The following GMDS variants were observed in gnomAD, a reference collection of about 807,000 sequenced individuals.
GMDS encodes GDP-mannose 4,6 dehydratase.
In GMDS, 20 loss-of-function variants were observed where a neutral mutation model predicts 49.9. The observed-to-expected ratio is 0.40, with a 90% confidence interval of 0.28 to 0.58. GMDS has a LOEUF of 0.58. GMDS is among the 20% of genes least tolerant of loss of function. The pLI is 0.42. For missense variants in GMDS, 362 were observed against 481.4 expected, an observed-to-expected ratio of 0.75 and a Z score of 2.32; for synonymous variants, 177 against 178.6, an observed-to-expected ratio of 0.99 and a Z score of 0.07.
intron 4 of GMDS, among the ~76,000 whole-genome samples, chr6:2,004,857 T>A (rs555596807): frequency 6.6e-6 from 1 of 152,290 alleles, no homozygotes; most frequent in East Asian, 1.9e-4. Context: ...GATTTAATAA[T>A]GCTCGTTAGA....
At chr6:1,957,313 T>G (rs184570197) in intron 6 of GMDS, among the ~76,000 whole-genome samples, 1 of 152,326 alleles carries the variant, frequency 6.6e-6, no homozygotes, top group East Asian at 1.9e-4. Context: ...AAGCTGGAGA[T>G]GTATGAATAC....
chr6:2,049,066 G>A (rs1562005446), intron 4 of GMDS, among the ~76,000 whole-genome samples: 1 of 152,204 alleles, frequency 6.6e-6, no homozygotes, highest in Non-Finnish European at 1.5e-5. Flanking sequence ...GACAAGGAAG[G>A]AAGCGAGCCC....
chr6:1,865,481 T>G (rs1014955124), intron 7 of GMDS, among the ~76,000 whole-genome samples: 1 of 152,138 alleles, frequency 6.6e-6, no homozygotes, highest in Non-Finnish European at 1.5e-5. Flanking sequence ...GCTAGAGTGA[T>G]AAAATCCATG....
chr6:1,740,897 G>A (rs376360515), intron 8 of GMDS, among the ~76,000 whole-genome samples: 2 of 152,018 alleles, frequency 1.3e-5, no homozygotes, highest in Non-Finnish European at 2.9e-5. Context: ...TTAGTTTCCT[G>A]CACAAAGTTT....
At chr6:1,893,061 C>T (rs555134326) in intron 7 of GMDS, among the ~76,000 whole-genome samples, 3 of 152,270 alleles carry the variant, frequency 2.0e-5, no homozygotes, top group Non-Finnish European at 2.9e-5. Context: ...AACTGGCTTT[C>T]GGCTGCAGCT....
In GMDS at chr6:1,682,422, A is replaced by G. The variant is rs142964924; in HGVS notation, c.987+43994T>C. The stretch of plus-strand genomic sequence containing the variant: ...CTGGCATTTCTGGTCAGCCCACATG[A>G]AAGAGATTGAGGCTTGTGCCCTCTG... On this transcript the variant is annotated intron_variant, in intron 9 of 10. Coordinates refer to ENST00000380815, the MANE Select transcript of GMDS (RefSeq NM_001500.4). Among the ~76,000 whole-genome samples, 8 of 152,264 alleles carry G rather than the reference A, an allele frequency of 5.3e-5. No individual in the cohort carries two copies. In the East Asian group the frequency reaches 1.5e-3, roughly 29 times the overall value.
chr6:2,064,831 G>C (rs144888342), intron 4 of GMDS, among the ~76,000 whole-genome samples: 1 of 152,128 alleles, frequency 6.6e-6, no homozygotes, highest in Non-Finnish European at 1.5e-5. Context: ...GAGTGCTTTT[G>C]GGGAGGGAGA....
intron 9 of GMDS, among the ~76,000 whole-genome samples, chr6:1,699,909 G>T (rs978717390): frequency 6.6e-6 from 1 of 152,236 alleles, no homozygotes; most frequent in Non-Finnish European, 1.5e-5. Flanking sequence ...GGCACACACA[G>T]CCTCCATACG....
At chr6:2,097,320 C>A (rs1452031548) in intron 4 of GMDS, among the ~76,000 whole-genome samples, 2 of 152,076 alleles carry the variant, frequency 1.3e-5, no homozygotes, top group African/African-American at 2.4e-5. Context: ...CTAGTCAAAG[C>A]CCCTCGGCGA....
At chr6:1,918,573 T>G (rs1040375608) in intron 7 of GMDS, among the ~76,000 whole-genome samples, 4 of 151,176 alleles carry the variant, frequency 2.6e-5, no homozygotes, top group African/African-American at 9.7e-5. Context: ...TAGGGAGGCC[T>G]CATCTCTACT....
intron 6 of GMDS, among the ~76,000 whole-genome samples, chr6:1,944,233 G>T (rs1050120664): frequency 4.6e-5 from 7 of 152,176 alleles, no homozygotes; most frequent in Non-Finnish European, 8.8e-5. Context: ...TCAGCTGGGC[G>T]TTGGGGCTCA....
At chr6:2,072,680 T>C (rs550132198) in intron 4 of GMDS, among the ~76,000 whole-genome samples, 30 of 152,302 alleles carry the variant, frequency 2.0e-4, no homozygotes, top group Middle Eastern at 3.4e-3. Flanking sequence ...ACAAAATCAA[T>C]AGAAGCCAAG....
intron 7 of GMDS, among the ~76,000 whole-genome samples, chr6:1,823,707 T>C (rs1256647623): frequency 6.6e-6 from 1 of 152,188 alleles, no homozygotes; most frequent in Non-Finnish European, 1.5e-5. Flanking sequence ...GCTTCAAATA[T>C]CTATGTTTTT....
At chr6:1,842,196 A>G (rs1757179461) in intron 7 of GMDS, among the ~76,000 whole-genome samples, 1 of 152,200 alleles carries the variant, frequency 6.6e-6, no homozygotes, top group Non-Finnish European at 1.5e-5. Flanking sequence ...AACCCAGCAC[A>G]AAAATCCCCT....
chr6:1,694,055 C>T (rs1355889746), intron 9 of GMDS, among the ~76,000 whole-genome samples: 1 of 152,158 alleles, frequency 6.6e-6, no homozygotes, highest in African/African-American at 2.4e-5. Context: ...GTTCTGAAGG[C>T]ACTAAAGAGA....
At chr6:1,878,910 A>G (rs1759230740) in intron 7 of GMDS, among the ~76,000 whole-genome samples, 1 of 152,166 alleles carries the variant, frequency 6.6e-6, no homozygotes, top group Non-Finnish European at 1.5e-5. Flanking sequence ...CTGGGCCCTG[A>G]GCTATCATCA....
chr6:2,225,446 C>G (rs3778568), intron 1 of GMDS, among the ~76,000 whole-genome samples: 1 of 152,124 alleles, frequency 6.6e-6, no homozygotes, highest in African/African-American at 2.4e-5. Context: ...CAAAGCTGAA[C>G]TAAAGATGAA....
chr6:1,829,076 T>C (rs1458868274), intron 7 of GMDS, among the ~76,000 whole-genome samples: 4 of 152,158 alleles, frequency 2.6e-5, no homozygotes, highest in African/African-American at 9.7e-5. Flanking sequence ...ATTAATTAAG[T>C]GGAAGTGGAT....
At chr6:2,002,586 C>T (rs562859825) in intron 4 of GMDS, among the ~76,000 whole-genome samples, 17 of 152,246 alleles carry the variant, frequency 1.1e-4, no homozygotes, top group Admixed American at 2.6e-4. Flanking sequence ...TGAAATCCTA[C>T]CCTGTGCTAA....
Sources: allele counts gnomAD v4.1 joint callset (sites outside exome capture counted in the v4.1 genomes callset), GRCh38; gene constraint gnomAD v4.1.1; transcripts MANE v1.5; gene names NCBI Gene and HGNC (gene_info 2026-07-23, HGNC 2026-07-21).